PLXNA4: variants seen among roughly 807,000 people sequenced by gnomAD.
PLXNA4 encodes the protein plexin A4.
In PLXNA4, 44 loss-of-function variants were observed where a neutral mutation model predicts 191.8. That is an observed-to-expected ratio of 0.23 (90% CI 0.18 to 0.29). The LOEUF (loss-of-function observed/expected upper bound fraction) is 0.29, where lower values mean the gene tolerates loss of function less well. Among genes scored for constraint, PLXNA4 ranks in the 10% least tolerant of loss-of-function variants. The pLI, the probability that PLXNA4 is intolerant of heterozygous loss-of-function variation, is 1.00. For missense variants in PLXNA4, 1,800 were observed against 2,488.8 expected (o/e 0.72, Z 5.89); for synonymous variants, 1,082 against 1,009.5 (o/e 1.07, Z -1.36).
At position 132,125,825 on chromosome 7, in the gene PLXNA4, G is replaced by C. The variant is rs528579838; in HGVS notation, c.*4654C>G. The C allele has an allele frequency of 2.0e-5, 3 of 152,076 alleles. No individual in the cohort carries two copies. The highest frequency in any genetic ancestry group is 7.2e-5 in the African/African-American group (3 of 41,414). The allele number at this position is 152,076 out of a possible 1,614,324, so 9.4% of individuals were successfully genotyped here. ...CAGGTGAGCTCCTGGAGGTGACTCA[G>C]TCATGGAAAGACCCCTTGAAGGCCT... On this transcript the variant is annotated 3_prime_UTR_variant, in exon 32 of 32. Coordinates refer to ENST00000321063, the MANE Select transcript of PLXNA4 (RefSeq NM_020911.2).
intron 1 of PLXNA4, among the ~76,000 whole-genome samples, chr7:132,555,067 A>C (rs6959599): frequency 6.6e-6 from 1 of 151,772 alleles, no homozygotes; most frequent in Admixed American, 6.6e-5. Flanking sequence ...CAAAAAAAAA[A>C]CAGTAACCAT....
At chr7:132,474,067 C>A (rs1191491983) in intron 3 of PLXNA4, among the ~76,000 whole-genome samples, 28 of 137,822 alleles carry the variant, frequency 2.0e-4, no homozygotes, top group African/African-American at 2.6e-4. Flanking sequence ...CAAAACAAAA[C>A]AAAAAAAAAC....
chr7:132,202,588 T>C, intron 12 of PLXNA4, 58 bp downstream of exon 12: 2 of 1,406,008 alleles, frequency 1.4e-6, no homozygotes, highest in Admixed American at 2.6e-5. Flanking sequence ...TTCCACAGGG[T>C]GTGGCACAGC....
chr7:132,562,568 TCTCCTCCTCCTTGTCTTCCTCTTTCTC>T (rs1801257291), intron 1 of PLXNA4, among the ~76,000 whole-genome samples: 2 of 63,334 alleles, frequency 3.2e-5, no homozygotes, highest in South Asian at 1.6e-3. Flanking sequence ...CTTCCTCCTT[TCTCCTCCTCCTTGTCTTCCTCTTTCTC>T]CTCCTCCTCC....
intron 3 of PLXNA4, among the ~76,000 whole-genome samples, chr7:132,318,205 T>C (rs1802020935): frequency 6.6e-6 from 1 of 150,776 alleles, no homozygotes. Flanking sequence ...GGGGAGGGAG[T>C]TGGAGCCCTT....
chr7:132,145,252 T>A lies in PLXNA4; in HGVS notation c.5092A>T (p.Thr1698Ser). 2.5e-6 allele frequency: 4 copies of A among 1,614,126 alleles called. No individual in the cohort carries two copies. The South Asian group carries it at 4.4e-5, about 18-fold the overall frequency. The change falls in exon 29 of 32, where the codon ACC becomes TCC. Residue 1698 changes from threonine to serine, a missense_variant. Physicochemically the swap from Thr to Ser is moderately conservative, Grantham distance 58 (BLOSUM62 1). Coordinates refer to ENST00000321063, the MANE Select transcript of PLXNA4 (RefSeq NM_020911.2). ...CCACGGTGTGCCGTGCTGAAGATGG[T>A]CTCAAAGAGGTCATCCACAAACTTC... ...LQKFVDDLFETIFSTAHRGSA... is the reference protein window; with the variant it reads ...LQKFVDDLFESIFSTAHRGSA...
At chr7:132,173,432 G>C (rs568851726) in intron 21 of PLXNA4, among the ~76,000 whole-genome samples, 1 of 152,158 alleles carries the variant, frequency 6.6e-6, no homozygotes, top group Non-Finnish European at 1.5e-5. Flanking sequence ...GTGCCTTGTC[G>C]ATGAGGACAT....
intron 4 of PLXNA4, among the ~76,000 whole-genome samples, chr7:132,251,213 T>C (rs1799237819): frequency 6.6e-6 from 1 of 152,152 alleles, no homozygotes; most frequent in South Asian, 2.1e-4. Flanking sequence ...ATCACACACA[T>C]ACAAGTCACC....
rs1563048301 is a variant in PLXNA4 at position 132,132,463 on chromosome 7, T to TTCTGTTCTGTTCTGTTCTGTTCTGC, written c.5589+585_5589+586insGCAGAACAGAACAGAACAGAACAGA. Among the ~76,000 whole-genome samples, 121 of 65,608 alleles carry TTCTGTTCTGTTCTGTTCTGTTCTGC rather than the reference T, an allele frequency of 1.8e-3. 3 individuals are homozygous for TTCTGTTCTGTTCTGTTCTGTTCTGC. Among genetic ancestry groups the TTCTGTTCTGTTCTGTTCTGTTCTGC allele is most frequent in the African/African-American group, 5.7e-3 (110 of 19,434 alleles). The allele number at this position is 65,608 out of a possible 152,430, so 43.0% of individuals were successfully genotyped here. A position where few individuals can be genotyped will look rare whatever the true frequency, so the allele number is the denominator to read the frequency against. On this transcript the variant is annotated intron_variant, in intron 31 of 31. Transcript: ENST00000321063. ...TTCTGTTCTGTTCTGTTCTGTTCTG[T>TTCTGTTCTGTTCTGTTCTGTTCTGC]TCTGCTCTGCTCTGCTCTGCTCTGC...
At chr7:132,310,587 C>A (rs1801689657) in intron 3 of PLXNA4, among the ~76,000 whole-genome samples, 1 of 152,186 alleles carries the variant, frequency 6.6e-6, no homozygotes, top group Admixed American at 6.5e-5. Context: ...CTAAGGGCAC[C>A]CGCAGCAGCC....
chr7:132,317,708 CTACCATGAGTT>C (rs1326346194), intron 3 of PLXNA4, among the ~76,000 whole-genome samples: 1 of 152,194 alleles, frequency 6.6e-6, no homozygotes, highest in Non-Finnish European at 1.5e-5. Context: ...CCTTGCAAAG[CTACCATGAGTT>C]TACCATGACC....
intron 2 of PLXNA4, among the ~76,000 whole-genome samples, chr7:132,620,245 G>C (rs1045372547): frequency 2.6e-5 from 4 of 152,156 alleles, no homozygotes; most frequent in African/African-American, 7.2e-5. Flanking sequence ...TTTCTGAGGT[G>C]ACCCTGGATA....
chr7:132,385,799 C>T (rs1044690949), intron 3 of PLXNA4, among the ~76,000 whole-genome samples: 3 of 152,230 alleles, frequency 2.0e-5, no homozygotes, highest in Non-Finnish European at 2.9e-5. Context: ...GCCAACCTTG[C>T]CCCTCACTAA....
chr7:132,380,193 A>G (rs561547056), intron 3 of PLXNA4, among the ~76,000 whole-genome samples: 3 of 152,302 alleles, frequency 2.0e-5, no homozygotes, highest in African/African-American at 7.2e-5. Context: ...AAAATACCAA[A>G]GAACTAACCC....
At chr7:132,573,284 C>T (rs1802062899) in intron 1 of PLXNA4, among the ~76,000 whole-genome samples, 1 of 152,130 alleles carries the variant, frequency 6.6e-6, no homozygotes, top group African/African-American at 2.4e-5. Context: ...GCTGCCGCCC[C>T]CTTGTAACCC....
At chr7:132,409,561 C>A (rs1794365321) in intron 3 of PLXNA4, among the ~76,000 whole-genome samples, 1 of 152,160 alleles carries the variant, frequency 6.6e-6, no homozygotes, top group African/African-American at 2.4e-5. Flanking sequence ...AAATGAGAAT[C>A]CACACATTGA....
intron 25 of PLXNA4, among the ~76,000 whole-genome samples, chr7:132,156,867 T>C (rs1398498497): frequency 2.6e-5 from 4 of 152,218 alleles, no homozygotes; most frequent in African/African-American, 9.6e-5. Context: ...AATCTAGCTT[T>C]GGTAAGAAGA....
chr7:132,492,679 T>C (rs1383108983), intron 2 of PLXNA4, among the ~76,000 whole-genome samples: 2 of 151,968 alleles, frequency 1.3e-5, no homozygotes, highest in Admixed American at 6.6e-5. Flanking sequence ...ATTTTTAAGA[T>C]TGAAACAGTG....
intron 30 of PLXNA4, among the ~76,000 whole-genome samples, chr7:132,136,024 CCT>C (rs1491123866): frequency 1.3e-5 from 2 of 152,204 alleles, no homozygotes; most frequent in Admixed American, 1.3e-4. Context: ...GAGAGTCTAC[CCT>C]GTTTTTGATC....
Sources: gnomAD v4.1 joint callset for allele counts (sites outside exome capture counted in the v4.1 genomes callset) on GRCh38, gnomAD v4.1.1 for gene constraint, MANE v1.5 for transcripts, NCBI Gene and HGNC (gene_info 2026-07-23, HGNC 2026-07-21) for gene names.